The following SASH3 variants were observed in gnomAD, a reference collection of about 807,000 sequenced individuals.
SASH3 encodes SAM and SH3 domain containing 3, also known as SAM and SH3 domain-containing protein 3.
A neutral mutation model predicts 26.1 loss-of-function variants in SASH3; 7 were observed. The ratio of observed to expected loss-of-function variants is 0.27; its 90% CI spans 0.15 to 0.50. The LOEUF (loss-of-function observed/expected upper bound fraction) is 0.50, where lower values mean the gene tolerates loss of function less well. Among genes scored for constraint, SASH3 ranks in the 20% least tolerant of loss-of-function variants. SASH3 has a pLI of 0.98. For synonymous variants in SASH3, 138 were observed against 136.8 expected (o/e 1.01, Z -0.06); for missense variants, 231 against 318.3 (o/e 0.73, Z 2.09).
At position 129,780,003 on chromosome X, in the gene SASH3, C is replaced by T; in HGVS notation, c.-95C>T. On this transcript the variant is annotated 5_prime_UTR_variant, in exon 1 of 8. Transcript: ENST00000356892. ...GTGGCAGCTGAAGGCTCGGTTCATG[C>T]CGTGCCCCCGGGCAGTTCTGGTGAG... 4 of 894,104 alleles carry T rather than the reference C, an allele frequency of 4.5e-6. No homozygotes were observed. The highest frequency in any genetic ancestry group is 6.4e-6 in the Non-Finnish European group (4 of 623,663). The allele number at this position is 894,104 out of a possible 1,213,427, so 73.7% of individuals were successfully genotyped here.
chrX:129,793,939 C>A lies in SASH3; in HGVS notation c.*107C>A. Reference sequence around the variant, plus strand: ...TCCTGAGGACTGGCACTGAGCCTGGCCCTGCTTCCCCAGGGACACTTAGGG... The same window carrying A: ...TCCTGAGGACTGGCACTGAGCCTGGACCTGCTTCCCCAGGGACACTTAGGG... On this transcript the variant is annotated 3_prime_UTR_variant, in exon 8 of 8. Transcript: ENST00000356892. The A allele has an allele frequency of 2.6e-6, 2 of 768,052 alleles. No individual in the cohort carries two copies. The highest frequency in any genetic ancestry group is 3.5e-5 in the East Asian group (1 of 28,776). The allele number at this position is 768,052 out of a possible 1,213,427, so 63.3% of individuals were successfully genotyped here.
rs750383106 is a variant in SASH3 at position 129,793,839 on chromosome X, G to A, written c.*7G>A. The A allele has an allele frequency of 3.2e-5, 37 of 1,168,066 alleles. No individual in the cohort carries two copies. Among genetic ancestry groups the A allele is most frequent in the Non-Finnish European group, 3.9e-5 (34 of 872,420 alleles). On this transcript the variant is annotated 3_prime_UTR_variant, in exon 8 of 8. Coordinates refer to ENST00000356892, the MANE Select transcript of SASH3 (RefSeq NM_018990.4). ...CCTGGCCGGGGCACCTTGAGGTGGC[G>A]GTGGCAATAGGCCAAGGCTGGGACC...
In SASH3 at chrX:129,782,488, G is replaced by C. The variant is rs190888479; in HGVS notation, c.57+2334G>C. On this transcript the variant is annotated intron_variant, in intron 1 of 7. Coordinates refer to ENST00000356892, the MANE Select transcript of SASH3 (RefSeq NM_018990.4). ...CTTGTTCACTCCCCACGACAACCTGGTGAGGTAGGGGCAGATATTGTCATT... is the reference window on the plus strand; with the variant it reads ...CTTGTTCACTCCCCACGACAACCTGCTGAGGTAGGGGCAGATATTGTCATT... Among the ~76,000 whole-genome samples the C allele has an allele frequency of 3.7e-4, 42 of 112,345 alleles. 1 individual carries two copies. The East Asian group carries it at 0.012, about 32-fold the overall frequency.
In SASH3 at chrX:129,794,523, TCTC is replaced by T. The variant is rs1927298534; in HGVS notation, c.*694_*696del. ...ACATTCTGTGACATTAAATGTCTATTCTCCTGTTACCTGTGGCCTGGGACACCA... is the reference window on the plus strand; with the variant it reads ...ACATTCTGTGACATTAAATGTCTATTCTGTTACCTGTGGCCTGGGACACCA... On this transcript the variant is annotated 3_prime_UTR_variant, in exon 8 of 8. Transcript: ENST00000356892. 1 of 111,391 alleles carries T rather than the reference TCTC, an allele frequency of 9.0e-6. No homozygotes were observed. The highest frequency in any genetic ancestry group is 1.9e-5 in the Non-Finnish European group (1 of 53,069). The allele number at this position is 111,391 out of a possible 1,213,427, so 9.2% of individuals were successfully genotyped here.
At chrX:129,789,109 A>AAAAGAAAGGAAGAAAG in intron 3 of SASH3, among the ~76,000 whole-genome samples, 1 of 39,453 alleles carries the variant, frequency 2.5e-5, no homozygotes, top group Non-Finnish European at 4.0e-5. Context: ...CTCAAAAAAA[A>AAAAGAAAGGAAGAAAG]AAAGAAAGAA....
intron 2 of SASH3, 54 bp downstream of exon 2, chrX:129,788,124 T>TGGGGGTGGGGGGGGGGGG: frequency 6.8e-6 from 1 of 146,473 alleles, no homozygotes; most frequent in African/African-American, 8.9e-5. Context: ...GGCAGGGGGG[T>TGGGGGTGGGGGGGGGGGG]GGGGGTGGGA....
chrX:129,782,543 G>A (rs867683008), intron 1 of SASH3, among the ~76,000 whole-genome samples: 2 of 112,418 alleles, frequency 1.8e-5, no homozygotes, highest in Middle Eastern at 9.2e-3. Flanking sequence ...GGCTCACAGA[G>A]GTGAAGCAAC....
In SASH3 at chrX:129,788,448, A is replaced by G. The variant is rs758391634; in HGVS notation, c.171A>G (p.Ser57=). 1.7e-5 allele frequency: 20 copies of G among 1,209,720 alleles called. No homozygotes were observed. The highest frequency in any genetic ancestry group is 2.1e-5 in the Non-Finnish European group (19 of 894,904). The change falls in exon 3 of 8, where the codon TCA becomes TCG. Residue 57 remains serine (S), a synonymous_variant. Coordinates refer to ENST00000356892, the MANE Select transcript of SASH3 (RefSeq NM_018990.4). Reference sequence around the variant, plus strand: ...TGTCACAGATTCCAGAAGATGACTCAGGTGTCCCCACCCCAGAAGATGCTG... The same window carrying G: ...TGTCACAGATTCCAGAAGATGACTCGGGTGTCCCCACCCCAGAAGATGCTG... ...NLDDNIPEDD[S]GVPTPEDAGK...
At chrX:129,782,673 C>T (rs367893273) in intron 1 of SASH3, among the ~76,000 whole-genome samples, 19 of 112,013 alleles carry the variant, frequency 1.7e-4, no homozygotes, top group African/African-American at 5.5e-4. Context: ...ATCTCAAAGG[C>T]GCTAGAAGAG....
chrX:129,792,938 G>A (rs1927258607), intron 6 of SASH3, 51 bp from the exon 7 acceptor site: 2 of 1,204,832 alleles, frequency 1.7e-6, no homozygotes, highest in African/African-American at 3.5e-5. Flanking sequence ...GGAGGACCTA[G>A]GCAGGGGTGG....
At chrX:129,780,521 G>A (rs186033455) in intron 1 of SASH3, among the ~76,000 whole-genome samples, 1,250 of 112,370 alleles carry the variant, frequency 0.011, 16 homozygotes, top group African/African-American at 0.038. Context: ...TCTCCTCTAC[G>A]CTGGTCCTGC....
intron 1 of SASH3, among the ~76,000 whole-genome samples, chrX:129,781,917 GA>G (rs945597743): frequency 7.1e-5 from 8 of 112,636 alleles, no homozygotes; most frequent in Non-Finnish European, 9.4e-5. Flanking sequence ...CAAGCTTCCA[GA>G]AGGTACAGAG....
intron 3 of SASH3, among the ~76,000 whole-genome samples, chrX:129,789,120 A>AGAAAGAAAGAAAGAAAGAAAGAAAGAAG (rs1927170176): frequency 1.8e-5 from 1 of 55,660 alleles, no homozygotes; most frequent in Non-Finnish European, 2.8e-5. Context: ...AAAGAAAGAA[A>AGAAAGAAAGAAAGAAAGAAAGAAAGAAG]GAAAGAAAGA....
chrX:129,791,092 G>T lies in SASH3; in HGVS notation c.442+11G>T. 1 of 1,206,875 alleles carries T rather than the reference G, an allele frequency of 8.3e-7. No homozygotes were observed. The highest frequency in any genetic ancestry group is 1.1e-6 in the Non-Finnish European group (1 of 892,657). On this transcript the variant is annotated intron_variant, in intron 4 of 7. Coordinates refer to ENST00000356892, the MANE Select transcript of SASH3 (RefSeq NM_018990.4). ...GCCAGGCATCAACAGGTGAGTAGGG[G>T]ATGCGGGGGACACCTGCCGAATCTG...
intron 1 of SASH3, among the ~76,000 whole-genome samples, chrX:129,782,943 T>C (rs925550752): frequency 1.8e-5 from 2 of 111,758 alleles, no homozygotes; most frequent in African/African-American, 6.5e-5. Context: ...TTGATCTGAT[T>C]TCACCCAAAG....
At chrX:129,785,862 C>T (rs1055956804) in intron 1 of SASH3, among the ~76,000 whole-genome samples, 3 of 112,610 alleles carry the variant, frequency 2.7e-5, no homozygotes, top group Non-Finnish European at 5.6e-5. Context: ...CAGGCCAGCC[C>T]GATGCCCACC....
intron 4 of SASH3, among the ~76,000 whole-genome samples, chrX:129,791,302 G>A (rs750787253): frequency 8.9e-6 from 1 of 112,260 alleles, no homozygotes; most frequent in Non-Finnish European, 1.9e-5. Context: ...GGGTCTTAGG[G>A]AGGTTAAGTG....
chrX:129,788,673 G>A, intron 3 of SASH3, 96 bp downstream of exon 3: 1 of 888,953 alleles, frequency 1.1e-6, no homozygotes, highest in Non-Finnish European at 1.6e-6. Flanking sequence ...CACTACTCAG[G>A]CCGGAAGGCC....
chrX:129,789,443 G>A (rs1432915156), intron 3 of SASH3, among the ~76,000 whole-genome samples: 2 of 110,829 alleles, frequency 1.8e-5, no homozygotes, highest in African/African-American at 6.6e-5. Context: ...GACCAGCCTG[G>A]CCAACATGGC....
Sources: allele counts gnomAD v4.1 joint callset (sites outside exome capture counted in the v4.1 genomes callset), GRCh38; gene constraint gnomAD v4.1.1; transcripts MANE v1.5; gene names NCBI Gene and HGNC (gene_info 2026-07-23, HGNC 2026-07-21).